The following SLC9C2 variants were observed in gnomAD, a reference collection of about 807,000 sequenced individuals.
SLC9C2 encodes the protein solute carrier family 9 member C2 (putative).
SLC9C2 carries 75 observed loss-of-function variants against 140.2 expected under a neutral mutation model. That is an observed-to-expected ratio of 0.53 (90% CI 0.44 to 0.65). The LOEUF (loss-of-function observed/expected upper bound fraction) is 0.65, where lower values mean the gene tolerates loss of function less well. SLC9C2 is among the 30% of genes least tolerant of loss of function. The probability of loss-of-function intolerance (pLI) is 0.00; values close to 1 mark genes in which losing one functional copy is unlikely to be tolerated. For missense variants in SLC9C2, 1,074 were observed against 1,331.8 expected (o/e 0.81, Z 3.01); for synonymous variants, 375 against 420.9 (o/e 0.89, Z 1.34).
chr1:173,541,483 T>A (rs975919905), intron 13 of SLC9C2, among the ~76,000 whole-genome samples: 3 of 152,204 alleles, frequency 2.0e-5, no homozygotes, highest in Non-Finnish European at 4.4e-5. Context: ...ATCCAGGACT[T>A]GAACTCAGCT....
chr1:173,555,022 T>G (rs746212652), intron 10 of SLC9C2, among the ~76,000 whole-genome samples: 4 of 152,210 alleles, frequency 2.6e-5, no homozygotes, highest in Non-Finnish European at 5.9e-5. Flanking sequence ...TAATTTTCAA[T>G]CTGAATGAGG....
intron 15 of SLC9C2, among the ~76,000 whole-genome samples, chr1:173,535,099 C>G (rs147995572): frequency 6.6e-6 from 1 of 152,006 alleles, no homozygotes; most frequent in Non-Finnish European, 1.5e-5. Flanking sequence ...TACAGCATGA[C>G]AAAAAGAAAT....
intron 9 of SLC9C2, among the ~76,000 whole-genome samples, chr1:173,559,638 C>T (rs1164263183): frequency 6.6e-6 from 1 of 152,182 alleles, no homozygotes; most frequent in African/African-American, 2.4e-5. Flanking sequence ...ACCCTTCTGG[C>T]AAACTCACCA....
chr1:173,537,105 C>T (rs1264284229), intron 13 of SLC9C2, 66 bp from the exon 14 acceptor site: 17 of 1,236,972 alleles, frequency 1.4e-5, no homozygotes, highest in Non-Finnish European at 2.0e-5. Flanking sequence ...CTTCTTAACC[C>T]TTACATAGCC....
At chr1:173,557,154 A>G (rs1663764780) in intron 10 of SLC9C2, among the ~76,000 whole-genome samples, 186 bp downstream of exon 10, 1 of 152,144 alleles carries the variant, frequency 6.6e-6, no homozygotes, top group Non-Finnish European at 1.5e-5. Context: ...TAACTACTCC[A>G]TGACTATTGG....
intron 25 of SLC9C2, 47 bp from the exon 26 acceptor site, chr1:173,505,378 C>T (rs2101886844): frequency 2.2e-6 from 3 of 1,386,810 alleles, no homozygotes; most frequent in Middle Eastern, 1.8e-4. Context: ...TCTTTGATCT[C>T]TAACCTGGCT....
chr1:173,555,093 C>A (rs56059915), intron 10 of SLC9C2, among the ~76,000 whole-genome samples: 1 of 152,200 alleles, frequency 6.6e-6, no homozygotes, highest in Non-Finnish European at 1.5e-5. Context: ...ACAGTTGCCA[C>A]TCCTGGCAGC....
intron 7 of SLC9C2, 137 bp downstream of exon 7, chr1:173,581,710 T>C (rs1335652570): frequency 3.5e-6 from 2 of 564,730 alleles, no homozygotes; most frequent in African/African-American, 2.0e-5. Context: ...GAGCTAGAGG[T>C]AAGTAAAATA....
chr1:173,583,068 C>T (rs1441568449), intron 6 of SLC9C2, among the ~76,000 whole-genome samples: 3 of 152,178 alleles, frequency 2.0e-5, no homozygotes, highest in Non-Finnish European at 4.4e-5. Context: ...TTCGGGTATC[C>T]ATGGGGCATT....
In SLC9C2 at chr1:173,507,036, T is replaced by A. The variant is rs115226681; in HGVS notation, c.3045A>T (p.Leu1015Phe). 6.5e-5 allele frequency: 101 copies of A among 1,562,498 alleles called. 1 individual carries two copies. The East Asian group carries it at 2.3e-3, about 36-fold the overall frequency. The part of the protein sequence containing the change: ...YFESSLIDED[L>F]RFQNCVMFNQ... Reference sequence around the variant, plus strand: ...TGAACATCACACAGTTCTGAAACCTTAAGTCCTATAATAAAATTGCATTTT... The same window carrying A: ...TGAACATCACACAGTTCTGAAACCTAAAGTCCTATAATAAAATTGCATTTT... Residue 1015 changes from leucine (L) to phenylalanine (F), a missense_variant, in exon 25 of 28, where the codon TTA becomes TTT. Coordinates refer to ENST00000367714, the MANE Select transcript of SLC9C2 (RefSeq NM_178527.4).
rs1042497029 is a variant in SLC9C2 at position 173,521,419 on chromosome 1, A to C, written c.2641-20T>G. ...TCTTTCCTGAGTGGGAAAAAAAAAA[A>C]CGAAAAGAAAAAGAGAGTCAACACA... is the stretch of plus-strand genomic sequence containing the variant. On this transcript the variant is annotated intron_variant, in intron 21 of 27. Coordinates refer to ENST00000367714, the MANE Select transcript of SLC9C2 (RefSeq NM_178527.4). The C allele has an allele frequency of 1.3e-4, 182 of 1,349,772 alleles. 1 individual carries two copies. The highest frequency in any genetic ancestry group is 7.2e-4 in the Admixed American group (26 of 36,346). The allele number at this position is 1,349,772 out of a possible 1,614,324, so 83.6% of individuals were successfully genotyped here. A position where few individuals can be genotyped will look rare whatever the true frequency, so the allele number is the denominator to read the frequency against.
chr1:173,594,736 A>T (rs1666350224), intron 4 of SLC9C2, among the ~76,000 whole-genome samples: 1 of 152,338 alleles, frequency 6.6e-6, no homozygotes, highest in Admixed American at 6.5e-5. Flanking sequence ...GAAAGTAGAG[A>T]TATTTAGCTT....
chr1:173,554,230 T>TGTCC (rs1663517169), intron 11 of SLC9C2, among the ~76,000 whole-genome samples: 2 of 152,210 alleles, frequency 1.3e-5, no homozygotes, highest in South Asian at 4.1e-4. Context: ...TGCCCATGTG[T>TGTCC]GTCCATGTGA....
chr1:173,536,779 A>G (rs1661991776), intron 14 of SLC9C2, among the ~76,000 whole-genome samples, 163 bp downstream of exon 14: 1 of 152,240 alleles, frequency 6.6e-6, no homozygotes, highest in Admixed American at 6.5e-5. Flanking sequence ...GCAGATGGAT[A>G]GATGGATGGA....
chr1:173,518,572 C>T (rs1660585132), intron 22 of SLC9C2, among the ~76,000 whole-genome samples: 1 of 152,084 alleles, frequency 6.6e-6, no homozygotes, highest in East Asian at 1.9e-4. Flanking sequence ...GTAGGCATAG[C>T]TGGAGAAAGA....
Position 173,533,619 on chromosome 1 carries a change from G to A in SLC9C2, c.2153C>T (p.Pro718Leu), listed in dbSNP as rs751642392. The A allele has an allele frequency of 4.1e-5, 65 of 1,589,672 alleles. No homozygotes were observed. Among genetic ancestry groups the A allele is most frequent in the Non-Finnish European group, 5.5e-5 (64 of 1,167,564 alleles). ...AATGTGAAATCTTACCTTGAAGAGAGGAAGAAACCTAATTATTCTTAAATA... is the reference window on the plus strand; with the variant it reads ...AATGTGAAATCTTACCTTGAAGAGAAGAAGAAACCTAATTATTCTTAAATA... The part of the protein sequence containing the change: ...MGYLRIIRFL[P>L]LFKIIVPILI... Residue 718 changes from proline (P) to leucine (L), a missense_variant, in exon 17 of 28, where the codon CCT (proline) becomes CTT (leucine). Pro to Leu is a moderately conservative substitution (Grantham distance 98). Transcript: ENST00000367714.
intron 17 of SLC9C2, among the ~76,000 whole-genome samples, chr1:173,532,910 A>C (rs1227208893): frequency 2.6e-5 from 4 of 152,126 alleles, no homozygotes; most frequent in Admixed American, 6.5e-5. Flanking sequence ...AAAGACCAAA[A>C]CAAAGATCTC....
chr1:173,549,782 A>G (rs1663123916), intron 11 of SLC9C2, among the ~76,000 whole-genome samples: 1 of 152,212 alleles, frequency 6.6e-6, no homozygotes, highest in Non-Finnish European at 1.5e-5. Flanking sequence ...GTGAGTTAAA[A>G]GAAATTCTGA....
chr1:173,575,402 C>T (rs972629480), intron 8 of SLC9C2, among the ~76,000 whole-genome samples: 1 of 152,092 alleles, frequency 6.6e-6, no homozygotes, highest in Non-Finnish European at 1.5e-5. Context: ...TGTCAACAGA[C>T]AGCACCACTG....
Sources: gnomAD v4.1 joint callset for allele counts (sites outside exome capture counted in the v4.1 genomes callset) on GRCh38, gnomAD v4.1.1 for gene constraint, MANE v1.5 for transcripts, NCBI Gene and HGNC (gene_info 2026-07-23, HGNC 2026-07-21) for gene names.